Variants in SHISA9 observed in about 807,000 individuals in gnomAD.
The protein encoded by SHISA9 is protein shisa-9.
In SHISA9, 13 loss-of-function variants were observed where a neutral mutation model predicts 38.0. The observed-to-expected ratio is 0.34, with a 90% CI of 0.22 to 0.54. The LOEUF (loss-of-function observed/expected upper bound fraction) is 0.54. Among genes scored for constraint, SHISA9 ranks in the 20% least tolerant of loss-of-function variants. The pLI, the probability that SHISA9 is intolerant of heterozygous loss-of-function variation, is 0.91. For missense variants in SHISA9, 538 were observed against 575.8 expected (o/e 0.93, Z 0.67); for synonymous variants, 275 against 242.0 (o/e 1.14, Z -1.27).
chr16:13,104,187 G>A (rs1398915747), intron 2 of SHISA9, among the ~76,000 whole-genome samples: 1 of 152,106 alleles, frequency 6.6e-6, no homozygotes, highest in Non-Finnish European at 1.5e-5. Context: ...TCTCAGTCAT[G>A]TCTGAATTCC....
intron 2 of SHISA9, among the ~76,000 whole-genome samples, chr16:13,065,013 C>T (rs2073418767): frequency 6.6e-6 from 1 of 152,136 alleles, no homozygotes; most frequent in Non-Finnish European, 1.5e-5. Context: ...GGATCAGAGA[C>T]CCCACCTCTT....
chr16:13,151,720 A>G (rs1372351220), intron 2 of SHISA9, among the ~76,000 whole-genome samples: 1 of 152,234 alleles, frequency 6.6e-6, no homozygotes, highest in East Asian at 1.9e-4. Flanking sequence ...TCATTCAGAA[A>G]AACAGATTTC....
chr16:12,933,239 A>G (rs1282758262), intron 2 of SHISA9, among the ~76,000 whole-genome samples: 1 of 152,066 alleles, frequency 6.6e-6, no homozygotes, highest in Non-Finnish European at 1.5e-5. Context: ...ATAAAACCAC[A>G]TATCAGAACT....
In SHISA9 at chr16:13,182,470, G is replaced by A. The variant is rs1045206667; in HGVS notation, c.692-20924G>A. Among the ~76,000 whole-genome samples the A allele has an allele frequency of 3.3e-5, 5 of 152,144 alleles. No homozygotes were observed. The East Asian group carries it at 5.8e-4, about 18-fold the overall frequency. On this transcript the variant is annotated intron_variant, in intron 2 of 4. Transcript: ENST00000558583. ...GTATCCACTAATGATGATGGTGACC[G>A]GTTAGGTTTATAACACTGAGTCAAA... is the stretch of plus-strand genomic sequence containing the variant.
At chr16:13,042,625 C>A (rs1312807784) in intron 2 of SHISA9, among the ~76,000 whole-genome samples, 2 of 152,094 alleles carry the variant, frequency 1.3e-5, no homozygotes, top group Non-Finnish European at 2.9e-5. Context: ...CCTTTGGTGT[C>A]TAGAATGTTT....
intron 2 of SHISA9, among the ~76,000 whole-genome samples, chr16:12,918,220 T>C (rs541397337): frequency 1.9e-4 from 29 of 152,334 alleles, no homozygotes; most frequent in Admixed American, 8.5e-4. Flanking sequence ...TGGCATCAAT[T>C]CTGACACGGC....
the SHISA9 span, among the ~76,000 whole-genome samples, chr16:13,424,410 C>T: frequency 2.3e-4 from 35 of 152,264 alleles, no homozygotes; most frequent in African/African-American, 7.2e-4. Context: ...CTCTGCCTGT[C>T]TCTTCTGCTC....
the SHISA9 span, among the ~76,000 whole-genome samples, chr16:13,377,030 GA>G: frequency 6.6e-6 from 1 of 152,144 alleles, no homozygotes; most frequent in Non-Finnish European, 1.5e-5. Flanking sequence ...AAGTTAATGA[GA>G]AAAAAACCTT....
chr16:12,972,099 AG>A (rs2141812624), intron 2 of SHISA9, among the ~76,000 whole-genome samples: 1 of 144,194 alleles, frequency 6.9e-6, no homozygotes, highest in South Asian at 2.2e-4. Context: ...GGGCAAGTGG[AG>A]GAAAAATGTA....
the SHISA9 span, among the ~76,000 whole-genome samples, chr16:13,497,961 C>CA: frequency 6.6e-6 from 1 of 151,642 alleles, no homozygotes; most frequent in Non-Finnish European, 1.5e-5. Flanking sequence ...AAAGATTTAG[C>CA]ATCTGAAGAG....
At chr16:13,027,532 A>G (rs892919188) in intron 2 of SHISA9, among the ~76,000 whole-genome samples, 8 of 152,222 alleles carry the variant, frequency 5.3e-5, no homozygotes, top group Non-Finnish European at 1.0e-4. Context: ...TAAAAGCTGG[A>G]AACAACCCAA....
intron 2 of SHISA9, among the ~76,000 whole-genome samples, chr16:13,138,089 C>G (rs1463790640): frequency 6.6e-6 from 1 of 152,066 alleles, no homozygotes; most frequent in African/African-American, 2.4e-5. Flanking sequence ...TTATGCACAC[C>G]CAAAAGTGAT....
At chr16:13,118,120 T>A (rs2074048811) in intron 2 of SHISA9, among the ~76,000 whole-genome samples, 1 of 150,118 alleles carries the variant, frequency 6.7e-6, no homozygotes, top group South Asian at 2.1e-4. Context: ...AGGCGGAGGT[T>A]GCAGTGAGTG....
intron 2 of SHISA9, among the ~76,000 whole-genome samples, chr16:13,043,558 C>T (rs185501249): frequency 2.0e-5 from 3 of 152,182 alleles, no homozygotes; most frequent in African/African-American, 7.2e-5. Context: ...ACCACAATTA[C>T]TTTTGCACTA....
chr16:13,289,931 T>C, the SHISA9 span, among the ~76,000 whole-genome samples: 1 of 152,200 alleles, frequency 6.6e-6, no homozygotes, highest in Non-Finnish European at 1.5e-5. Flanking sequence ...TCACTAGGTA[T>C]GGTGATTAAA....
chr16:13,079,895 C>T (rs2073627560), intron 2 of SHISA9, among the ~76,000 whole-genome samples: 1 of 152,118 alleles, frequency 6.6e-6, no homozygotes, highest in Admixed American at 6.6e-5. Context: ...ACCCAGGAAA[C>T]ACCTTCTTGT....
At chr16:13,399,313 A>C in the SHISA9 span, among the ~76,000 whole-genome samples, 4 of 152,256 alleles carry the variant, frequency 2.6e-5, no homozygotes, top group African/African-American at 9.6e-5. Flanking sequence ...CCTTCCTTCT[A>C]AGTGTTCACA....
At chr16:13,552,442 G>A in the SHISA9 span, among the ~76,000 whole-genome samples, 5 of 152,020 alleles carry the variant, frequency 3.3e-5, no homozygotes, top group African/African-American at 1.2e-4. Flanking sequence ...TTCAGAGGCA[G>A]CAACCACCAA....
the SHISA9 span, among the ~76,000 whole-genome samples, chr16:13,359,463 ACAGAGTGAGACTCCATCT>A: frequency 1.3e-5 from 2 of 152,218 alleles, no homozygotes; most frequent in Non-Finnish European, 2.9e-5. Flanking sequence ...TGCCTAGGTG[ACAGAGTGAGACTCCATCT>A]CAGAAAAATA....
Sources: allele counts gnomAD v4.1 joint callset (sites outside exome capture counted in the v4.1 genomes callset), GRCh38; gene constraint gnomAD v4.1.1; transcripts MANE v1.5; gene names NCBI Gene and HGNC (gene_info 2026-07-23, HGNC 2026-07-21).